The following PAK5 variants were observed in gnomAD, a reference collection of about 807,000 sequenced individuals.
PAK5 encodes the protein p21 (RAC1) activated kinase 5.
In PAK5, 16 loss-of-function variants were observed where a neutral mutation model predicts 65.9. The observed-to-expected ratio is 0.24, with a 90% CI of 0.16 to 0.37. PAK5 has a LOEUF of 0.37. PAK5 is among the 10% of genes least tolerant of loss of function. The probability of loss-of-function intolerance (pLI) is 1.00; values close to 1 mark genes in which losing one functional copy is unlikely to be tolerated. For synonymous variants in PAK5, 371 were observed against 354.9 expected, an observed-to-expected ratio of 1.05 and a Z score of -0.51; for missense variants, 785 against 903.9, an observed-to-expected ratio of 0.87 and a Z score of 1.69.
At chr20:9,755,417 C>T (rs1441594269) in intron 1 of PAK5, among the ~76,000 whole-genome samples, 3 of 152,204 alleles carry the variant, frequency 2.0e-5, no homozygotes, top group Non-Finnish European at 4.4e-5. Context: ...GCCTCACTCA[C>T]ATTAGCAACT....
At chr20:9,710,279 C>A (rs2048062051) in intron 2 of PAK5, among the ~76,000 whole-genome samples, 1 of 152,080 alleles carries the variant, frequency 6.6e-6, no homozygotes, top group Non-Finnish European at 1.5e-5. Context: ...TACAAGATAA[C>A]CCACCTAGAA....
intron 3 of PAK5, among the ~76,000 whole-genome samples, chr20:9,587,604 G>A (rs1169331435): frequency 1.3e-5 from 2 of 152,106 alleles, no homozygotes; most frequent in Non-Finnish European, 2.9e-5. Context: ...TCAGTCCAGT[G>A]CTTCTCAAAC....
At chr20:9,760,501 T>A (rs2048686133) in intron 1 of PAK5, among the ~76,000 whole-genome samples, 1 of 151,514 alleles carries the variant, frequency 6.6e-6, no homozygotes, top group Admixed American at 6.6e-5. Flanking sequence ...ACAAATCTAC[T>A]GGGCTGCTCC....
chr20:9,612,605 T>C (rs1483001735), intron 3 of PAK5, among the ~76,000 whole-genome samples: 1 of 152,106 alleles, frequency 6.6e-6, no homozygotes, highest in African/African-American at 2.4e-5. Context: ...ACCAAGACGG[T>C]TGGTGCTAAA....
intron 1 of PAK5, among the ~76,000 whole-genome samples, chr20:9,806,025 C>G (rs895199435): frequency 6.6e-6 from 1 of 152,158 alleles, no homozygotes; most frequent in Admixed American, 6.5e-5. Flanking sequence ...AGTGCAGTGG[C>G]ATGATCTCAG....
chr20:9,596,355 G>A (rs560115987), intron 3 of PAK5, among the ~76,000 whole-genome samples: 83 of 152,230 alleles, frequency 5.5e-4, no homozygotes, highest in African/African-American at 1.9e-3. Flanking sequence ...AGACTACAGA[G>A]GCCAGGCACG....
At chr20:9,606,798 T>A (rs1384030648) in intron 3 of PAK5, among the ~76,000 whole-genome samples, 1 of 152,148 alleles carries the variant, frequency 6.6e-6, no homozygotes, top group African/African-American at 2.4e-5. Context: ...TCATAACTTG[T>A]GCACTTAAAG....
intron 3 of PAK5, among the ~76,000 whole-genome samples, chr20:9,602,576 C>A (rs1283315374): frequency 6.6e-6 from 1 of 152,150 alleles, no homozygotes; most frequent in Non-Finnish European, 1.5e-5. Context: ...GTTCTTTTTG[C>A]AGATCATTCT....
At chr20:9,817,917 T>G (rs931001124) in intron 1 of PAK5, among the ~76,000 whole-genome samples, 4 of 152,234 alleles carry the variant, frequency 2.6e-5, no homozygotes, top group African/African-American at 9.6e-5. Context: ...ACTTTCTTCA[T>G]AGGAACACAG....
intron 3 of PAK5, among the ~76,000 whole-genome samples, chr20:9,636,635 A>G (rs989797959): frequency 2.0e-5 from 3 of 152,334 alleles, no homozygotes; most frequent in Non-Finnish European, 2.9e-5. Flanking sequence ...TAGAAAAGGG[A>G]TGGTAAATAA....
In PAK5 at chr20:9,604,406, G is replaced by C. The variant is rs115288562; in HGVS notation, c.205-23476C>G. 8.1e-3 allele frequency among the ~76,000 whole-genome samples: 1,235 copies of C among 152,294 alleles called. 16 individuals carry two copies. Among genetic ancestry groups the C allele is most frequent in the African/African-American group, 0.026 (1,099 of 41,558 alleles). ...AATAAAACCCCATGTCTCATTTTCT[G>C]GCTCTGGGTCTCTTCTCTGGCCTCT... On this transcript the variant is annotated intron_variant, in intron 3 of 9. Coordinates refer to ENST00000353224, the MANE Select transcript of PAK5 (RefSeq NM_177990.4).
chr20:9,539,569 G>C lies in PAK5; in HGVS notation c.2053C>G (p.Pro685Ala). 1 of 1,613,454 alleles carries C rather than the reference G, an allele frequency of 6.2e-7. No homozygotes were observed. Among genetic ancestry groups the C allele is most frequent in the Non-Finnish European group, 8.5e-7 (1 of 1,179,736 alleles). Residue 685 changes from proline to alanine, a missense_variant, in exon 10 of 10, where the codon CCC (proline) becomes GCC (alanine). Coordinates refer to ENST00000353224, the MANE Select transcript of PAK5 (RefSeq NM_177990.4). ...GFLDLMLVREPSQRATAQELL... is the reference protein window; with the variant it reads ...GFLDLMLVREASQRATAQELL... ...TCCTGGGCTGTTGCTCTCTGAGAGGGCTCCCTCACCAACATCAAGTCTAGG... is the reference window on the plus strand; with the variant it reads ...TCCTGGGCTGTTGCTCTCTGAGAGGCCTCCCTCACCAACATCAAGTCTAGG...
At chr20:9,666,596 G>C (rs1464466267) in intron 2 of PAK5, among the ~76,000 whole-genome samples, 1 of 152,098 alleles carries the variant, frequency 6.6e-6, no homozygotes, top group East Asian at 1.9e-4. Context: ...TGTTCTCCAA[G>C]TGGCCTTCTT....
chr20:9,788,830 A>G (rs2049020181), intron 1 of PAK5, among the ~76,000 whole-genome samples: 1 of 152,178 alleles, frequency 6.6e-6, no homozygotes, highest in Non-Finnish European at 1.5e-5. Flanking sequence ...CAGAGAGACT[A>G]GTATTTAAAC....
chr20:9,660,949 A>C (rs1049131692), intron 2 of PAK5, among the ~76,000 whole-genome samples: 1 of 152,094 alleles, frequency 6.6e-6, no homozygotes, highest in East Asian at 1.9e-4. Context: ...GCTTGTTTAA[A>C]AATGCAAATT....
rs1351305251 is a variant in PAK5 at position 9,758,605 on chromosome 20, C to T, written c.-161-47170G>A. On this transcript the variant is annotated intron_variant, in intron 1 of 9. Coordinates refer to ENST00000353224, the MANE Select transcript of PAK5 (RefSeq NM_177990.4). ...CAGCCCCACTACCATGACTTTGTGACATTGCATTGGTAGCTTGAAATTGGC... is the reference window on the plus strand; with the variant it reads ...CAGCCCCACTACCATGACTTTGTGATATTGCATTGGTAGCTTGAAATTGGC... Among the ~76,000 whole-genome samples the T allele has an allele frequency of 5.3e-5, 8 of 152,250 alleles. No homozygotes were observed. In the East Asian group the frequency reaches 1.4e-3, roughly 26 times the overall value.
chr20:9,700,075 T>C (rs2223566), intron 2 of PAK5, among the ~76,000 whole-genome samples: 3,814 of 152,230 alleles, frequency 0.025, 159 homozygotes, highest in African/African-American at 0.087. Context: ...CCAGCCTCTT[T>C]TGCTCAACAT....
Position 9,825,243 on chromosome 20 carries a change from T to C in PAK5, c.-162+13519A>G, listed in dbSNP as rs377056281. Among the ~76,000 whole-genome samples the C allele has an allele frequency of 3.3e-5, 5 of 152,350 alleles. No homozygotes were observed. The East Asian group carries it at 9.6e-4, about 29-fold the overall frequency. The stretch of plus-strand genomic sequence containing the variant: ...CTGAAAAGAAATGGGAAGCTACTGC[T>C]ATCATCCTTCTATCCCAAGCAAATA... On this transcript the variant is annotated intron_variant, in intron 1 of 9. Coordinates refer to ENST00000353224, the MANE Select transcript of PAK5 (RefSeq NM_177990.4).
chr20:9,607,720 G>A (rs532260069), intron 3 of PAK5, among the ~76,000 whole-genome samples: 2 of 152,162 alleles, frequency 1.3e-5, no homozygotes, highest in South Asian at 2.1e-4. Context: ...CAGCTACTCC[G>A]GAGGCTAAGG....
Sources: allele counts gnomAD v4.1 joint callset (sites outside exome capture counted in the v4.1 genomes callset), GRCh38; gene constraint gnomAD v4.1.1; transcripts MANE v1.5; gene names NCBI Gene and HGNC (gene_info 2026-07-23, HGNC 2026-07-21).